ATCAY: variants seen among roughly 807,000 people sequenced by gnomAD.
The protein encoded by ATCAY is ATCAY kinesin light chain interacting caytaxin.
A neutral mutation model predicts 47.7 loss-of-function variants in ATCAY; 22 were observed. The ratio of observed to expected loss-of-function variants is 0.46; its 90% CI spans 0.33 to 0.66. The LOEUF is 0.66. Among genes scored for constraint, ATCAY ranks in the 30% least tolerant of loss-of-function variants. The pLI is 0.02. For synonymous variants in ATCAY, 216 were observed against 207.6 expected, an observed-to-expected ratio of 1.04 and a Z score of -0.35; for missense variants, 452 against 515.0, an observed-to-expected ratio of 0.88 and a Z score of 1.18.
chr19:3,898,905 C>A (rs2038791227), intron 2 of ATCAY, among the ~76,000 whole-genome samples: 1 of 152,232 alleles, frequency 6.6e-6, no homozygotes, highest in South Asian at 2.1e-4. Context: ...TGGTCTCAAT[C>A]TCTTGGCCTC....
chr19:3,916,206 T>C (rs10402869), intron 9 of ATCAY, among the ~76,000 whole-genome samples: 5,966 of 152,268 alleles, frequency 0.039, 394 homozygotes, highest in African/African-American at 0.14. Flanking sequence ...TGCATCCACA[T>C]TGTAGCCTGT....
At chr19:3,917,836 C>T (rs2038979687) in intron 10 of ATCAY, 59 bp downstream of exon 10, 1 of 1,581,774 alleles carries the variant, frequency 6.3e-7, no homozygotes, top group Non-Finnish European at 8.6e-7. Context: ...CTGAGCTGAA[C>T]TCTCAGTTAG....
intron 2 of ATCAY, among the ~76,000 whole-genome samples, chr19:3,893,260 G>A (rs1284042708): frequency 6.8e-6 from 1 of 146,286 alleles, no homozygotes; most frequent in African/African-American, 2.5e-5. Context: ...TGCAACCTCC[G>A]CCTCCTGGGT....
At chr19:3,910,771 G>A (rs1289915631) in intron 7 of ATCAY, 32 bp from the exon 8 acceptor site, 1 of 1,612,962 alleles carries the variant, frequency 6.2e-7, no homozygotes, top group Non-Finnish European at 8.5e-7. Flanking sequence ...CGCCCCAGGA[G>A]CCCATCTTGC....
intron 9 of ATCAY, among the ~76,000 whole-genome samples, chr19:3,916,816 T>G (rs1168424420): frequency 1.4e-5 from 2 of 144,304 alleles, no homozygotes; most frequent in East Asian, 2.0e-4. Flanking sequence ...GTTTTTCTGG[T>G]TTTTTTTTTT....
chr19:3,897,293 A>T (rs1033068093), intron 2 of ATCAY, among the ~76,000 whole-genome samples: 1 of 149,136 alleles, frequency 6.7e-6, no homozygotes, highest in Non-Finnish European at 1.5e-5. Flanking sequence ...AGCAAAATCT[A>T]TATCTATATC....
chr19:3,893,029 G>A (rs1188138493), intron 2 of ATCAY, among the ~76,000 whole-genome samples: 2 of 152,162 alleles, frequency 1.3e-5, no homozygotes, highest in Non-Finnish European at 2.9e-5. Flanking sequence ...ATCAGGTTGA[G>A]TATACTGGGT....
chr19:3,882,034 T>C (rs908762864), intron 1 of ATCAY, among the ~76,000 whole-genome samples: 1 of 152,082 alleles, frequency 6.6e-6, no homozygotes, highest in African/African-American at 2.4e-5. Flanking sequence ...CTCCCCCCAC[T>C]TCCTCATCTG....
chr19:3,899,867 C>T lies in ATCAY; in HGVS notation c.78-2620C>T, dbSNP rs544569728. ...GGTCAAACTCGGGCAGCACGGGCTG[C>T]GGCTTCAAGAAGTGATCTGGGGCCG... On this transcript the variant is annotated intron_variant, in intron 2 of 12. Coordinates refer to ENST00000450849, the MANE Select transcript of ATCAY (RefSeq NM_033064.5). Among the ~76,000 whole-genome samples the T allele has an allele frequency of 4.4e-3, 664 of 152,222 alleles. 5 individuals are homozygous for T. The highest frequency in any genetic ancestry group is 0.015 in the African/African-American group (626 of 41,548).
At chr19:3,909,778 C>T (rs1043235418) in intron 7 of ATCAY, among the ~76,000 whole-genome samples, 161 bp downstream of exon 7, 5 of 152,138 alleles carry the variant, frequency 3.3e-5, no homozygotes, top group South Asian at 2.1e-4. Flanking sequence ...CGCAGCAAGA[C>T]GCTGTCTCTA....
chr19:3,895,116 A>G (rs1214828739), intron 2 of ATCAY: 3 of 455,788 alleles, frequency 6.6e-6, no homozygotes, highest in Non-Finnish European at 1.3e-5. Context: ...CTTTATATAC[A>G]TGGTCTCAAG....
intron 12 of ATCAY, among the ~76,000 whole-genome samples, chr19:3,922,742 TTTG>T (rs946197423): frequency 5.9e-5 from 9 of 152,122 alleles, no homozygotes; most frequent in Admixed American, 2.6e-4. Context: ...TTGTTTTGTT[TTTG>T]TTGTTGTTGT....
At chr19:3,884,351 AC>A (rs746820618) in intron 1 of ATCAY, among the ~76,000 whole-genome samples, 25 of 152,042 alleles carry the variant, frequency 1.6e-4, no homozygotes, top group Non-Finnish European at 3.2e-4. Flanking sequence ...CTCCTTTCTA[AC>A]CCCAGTCTCT....
chr19:3,903,443 TG>T (rs1363008979), intron 3 of ATCAY, among the ~76,000 whole-genome samples: 1 of 151,772 alleles, frequency 6.6e-6, no homozygotes, highest in Non-Finnish European at 1.5e-5. Context: ...TGGGGAGAGG[TG>T]GGGTCTGGGG....
At chr19:3,909,003 CA>C (rs71166937) in intron 6 of ATCAY, among the ~76,000 whole-genome samples, 2,990 of 12,426 alleles carry the variant, frequency 0.24, 208 homozygotes, top group East Asian at 0.38. Context: ...GAACCTGTCT[CA>C]AAAAAAAAAA....
chr19:3,918,760 C>T, intron 10 of ATCAY, 46 bp from the exon 11 acceptor site: 1 of 1,607,878 alleles, frequency 6.2e-7, no homozygotes, highest in Non-Finnish European at 8.5e-7. Flanking sequence ...ACCCCTTGGC[C>T]TGGCTGGGCT....
chr19:3,887,382 C>T (rs1568443274), intron 2 of ATCAY, among the ~76,000 whole-genome samples: 1 of 151,900 alleles, frequency 6.6e-6, no homozygotes. Flanking sequence ...CCCTTGAGCC[C>T]AGAAGGCAGA....
At chr19:3,882,077 G>C (rs2038606949) in intron 1 of ATCAY, among the ~76,000 whole-genome samples, 1 of 152,066 alleles carries the variant, frequency 6.6e-6, no homozygotes, top group African/African-American at 2.4e-5. Context: ...TCCTTGCTAA[G>C]CCACAGTCCC....
chr19:3,890,880 C>T (rs949972356), intron 2 of ATCAY, among the ~76,000 whole-genome samples: 3 of 152,142 alleles, frequency 2.0e-5, no homozygotes, highest in Non-Finnish European at 4.4e-5. Flanking sequence ...GTCGGCTCCT[C>T]GGTGCAGGTC....
Sources: gnomAD v4.1 joint callset for allele counts (sites outside exome capture counted in the v4.1 genomes callset) on GRCh38, gnomAD v4.1.1 for gene constraint, MANE v1.5 for transcripts, NCBI Gene and HGNC (gene_info 2026-07-23, HGNC 2026-07-21) for gene names.